PCDH18: variants seen among roughly 807,000 people sequenced by gnomAD.
PCDH18 encodes the protein protocadherin-18.
PCDH18 carries 38 observed loss-of-function variants against 71.5 expected under a neutral mutation model. The observed-to-expected ratio is 0.53, with a 90% confidence interval of 0.41 to 0.70. PCDH18 has a LOEUF of 0.70. Ranked by LOEUF, PCDH18 falls within the 30% of genes least tolerant of loss-of-function variation. The pLI, the probability that PCDH18 is intolerant of heterozygous loss-of-function variation, is 0.00. For missense variants in PCDH18, 1,334 were observed against 1,384.6 expected (o/e 0.96, Z 0.58); for synonymous variants, 565 against 505.4 (o/e 1.12, Z -1.58).
chr4:137,530,433 G>C lies in PCDH18; in HGVS notation c.1656C>G (p.Ser552Arg). The C allele has an allele frequency of 1.2e-6, 2 of 1,614,048 alleles. No individual in the cohort carries two copies. Among genetic ancestry groups the C allele is most frequent in the Non-Finnish European group, 1.7e-6 (2 of 1,179,954 alleles). ...TGGTATTGCTTACCAGTTGCTTCGGGCTTCCTCCATCTCTTGCTTCTACCA... is the reference window on the plus strand; with the variant it reads ...TGGTATTGCTTACCAGTTGCTTCGGCCTTCCTCCATCTCTTGCTTCTACCA... ...TFVVEARDGG[S>R]PKQLVSNTTV... The change falls in exon 1 of 4, where the codon AGC (serine) becomes AGG (arginine). Residue 552 changes from serine to arginine, a missense_variant. This residue lies in a region of PCDH18 where 1,011 missense variants were observed against 1,048.0 expected (regional missense o/e 0.96). Transcript: ENST00000344876.
Position 137,531,675 on chromosome 4 carries a change from T to G in PCDH18, c.414A>C (p.Ser138=). The change falls in exon 1 of 4, where the codon TCA becomes TCC. Residue 138 remains serine (S), a synonymous_variant. Transcript: ENST00000344876. ...ATATCTCAATAGGTATGAGAGATCTTGAAAACTGGGGAGAATTGTCATTAA... is the reference window on the plus strand; with the variant it reads ...ATATCTCAATAGGTATGAGAGATCTGGAAAACTGGGGAGAATTGTCATTAA... ...LDINDNSPQF[S]RSLIPIEISE... The G allele has an allele frequency of 6.2e-7, 1 of 1,614,164 alleles. No individual in the cohort carries two copies. Among genetic ancestry groups the G allele is most frequent in the Non-Finnish European group, 8.5e-7 (1 of 1,180,004 alleles).
Position 137,520,908 on chromosome 4 carries a change from C to A in PCDH18, c.*121G>T. ...AATACAGTATTTAATATTCAATATA[C>A]ACAGACACATTTATGATAAATGCAA... is the stretch of plus-strand genomic sequence containing the variant. On this transcript the variant is annotated 3_prime_UTR_variant, in exon 4 of 4. Coordinates refer to ENST00000344876, the MANE Select transcript of PCDH18 (RefSeq NM_019035.5). 1 of 649,540 alleles carries A rather than the reference C, an allele frequency of 1.5e-6. No homozygotes were observed. The highest frequency in any genetic ancestry group is 2.7e-6 in the Non-Finnish European group (1 of 372,326). 40.2% of individuals were successfully genotyped at this position (649,540 alleles called of 1,614,324 possible).
chr4:137,521,221 T>C lies in PCDH18; in HGVS notation c.3216A>G (p.Pro1072=), dbSNP rs146591833. 1.0e-3 allele frequency: 1,648 copies of C among 1,613,926 alleles called. 7 individuals carry two copies. In the Middle Eastern group the frequency reaches 0.022, roughly 22 times the overall value. Residue 1072 remains proline (P), a synonymous_variant, in exon 4 of 4, where the codon CCA becomes CCG. Coordinates refer to ENST00000344876, the MANE Select transcript of PCDH18 (RefSeq NM_019035.5). ...GCTGCACACTGGAGTGAGTTCCAAG[T>C]GGCGGCCCACAGTTGGTGGTGGGAT... is the stretch of plus-strand genomic sequence containing the variant. ...FQNPTTNCGP[P]LGTHSSVQPS...
chr4:137,527,697 C>T (rs1731516762), intron 3 of PCDH18, among the ~76,000 whole-genome samples: 1 of 152,152 alleles, frequency 6.6e-6, no homozygotes, highest in African/African-American at 2.4e-5. Flanking sequence ...GCCAAAAGAA[C>T]ACACGTATTC....
At position 137,531,479 on chromosome 4, in the gene PCDH18, A is replaced by T. The variant is rs373320791; in HGVS notation, c.610T>A (p.Leu204Ile). 6.2e-6 allele frequency: 10 copies of T among 1,613,784 alleles called. No individual in the cohort carries two copies. The highest frequency in any genetic ancestry group is 7.6e-6 in the Non-Finnish European group (9 of 1,179,966). The change falls in exon 1 of 4, where the codon TTA becomes ATA. Residue 204 changes from leucine to isoleucine, a missense_variant. By Grantham distance (5) the Leu-to-Ile change is conservative. This residue lies in a region of PCDH18 where 1,011 missense variants were observed against 1,048.0 expected (regional missense o/e 0.96). Coordinates refer to ENST00000344876, the MANE Select transcript of PCDH18 (RefSeq NM_019035.5). ...KYAELIVVRE[L>I]DRELKSSYEL... ...TAGCTTGACTTCAGCTCCCGATCTAACTCTCTGACCACTATGAGTTCTGCA... is the reference window on the plus strand; with the variant it reads ...TAGCTTGACTTCAGCTCCCGATCTATCTCTCTGACCACTATGAGTTCTGCA...
chr4:137,520,194 T>G lies in PCDH18; in HGVS notation c.*835A>C, dbSNP rs1448521985. 6.6e-6 allele frequency: 1 copy of G among 152,648 alleles called. No individual in the cohort carries two copies. The highest frequency in any genetic ancestry group is 1.5e-5 in the Non-Finnish European group (1 of 68,040). 9.5% of individuals were successfully genotyped at this position (152,648 alleles called of 1,614,324 possible). ...TATGCCATTAGAACACATACTGTTA[T>G]CCATTTAAAGGACAGATTCCATTTC... On this transcript the variant is annotated 3_prime_UTR_variant, in exon 4 of 4. Transcript: ENST00000344876.
rs1731604375 is a variant in PCDH18, at chr4:137,529,875, C to G, written c.2214G>C (p.Val738=). 1 of 1,613,640 alleles carries G rather than the reference C, an allele frequency of 6.2e-7. No individual in the cohort carries two copies. The highest frequency in any genetic ancestry group is 1.1e-5 in the South Asian group (1 of 91,060). Residue 738 remains valine, a synonymous_variant, in exon 1 of 4, where the codon GTG becomes GTC. Transcript: ENST00000344876. The stretch of plus-strand genomic sequence containing the variant: ...GGTGGTGCTGGTAAGTTGATTCGGC[C>G]ACCCTGCAGTTATAGGATCTAGTGT... ...KKDTRSYNCR[V]AESTYQHHPK...
Position 137,531,481 on chromosome 4 carries a change from T to G in PCDH18, c.608A>C (p.Glu203Ala), listed in dbSNP as rs756319654. Residue 203 changes from glutamate (E) to alanine (A), a missense_variant, in exon 1 of 4, where the codon GAG (glutamate) becomes GCG (alanine). Coordinates refer to ENST00000344876, the MANE Select transcript of PCDH18 (RefSeq NM_019035.5). The stretch of plus-strand genomic sequence containing the variant: ...GCTTGACTTCAGCTCCCGATCTAAC[T>G]CTCTGACCACTATGAGTTCTGCATA... Reference protein sequence around the residue: ...AKYAELIVVRELDRELKSSYE... With the variant: ...AKYAELIVVRALDRELKSSYE... 2 of 1,614,014 alleles carry G rather than the reference T, an allele frequency of 1.2e-6. No individual in the cohort carries two copies. The highest frequency in any genetic ancestry group is 1.7e-6 in the Non-Finnish European group (2 of 1,179,966).
rs1037931052 is a variant in PCDH18 at position 137,519,028 on chromosome 4, G to A, written c.*2001C>T. 1 of 152,154 alleles carries A rather than the reference G, an allele frequency of 6.6e-6. No individual in the cohort carries two copies. Among genetic ancestry groups the A allele is most frequent in the African/African-American group, 2.4e-5 (1 of 41,438 alleles). The allele number at this position is 152,154 out of a possible 1,614,324, so 9.4% of individuals were successfully genotyped here. A position where few individuals can be genotyped will look rare whatever the true frequency, so the allele number is the denominator to read the frequency against. ...GGTGCTTTAAATTAAGAACAGTGAG[G>A]ATATAAAAGTCTTTTTCTTAATGGT... On this transcript the variant is annotated 3_prime_UTR_variant, in exon 4 of 4. Coordinates refer to ENST00000344876, the MANE Select transcript of PCDH18 (RefSeq NM_019035.5).
At chr4:137,528,019 C>A (rs1476320995) in intron 3 of PCDH18, among the ~76,000 whole-genome samples, 1 of 152,128 alleles carries the variant, frequency 6.6e-6, no homozygotes, top group Non-Finnish European at 1.5e-5. Context: ...GTATTTTAGT[C>A]TCTGATTTTG....
chr4:137,525,225 G>T (rs916366271), intron 3 of PCDH18, among the ~76,000 whole-genome samples: 1 of 152,116 alleles, frequency 6.6e-6, no homozygotes, highest in African/African-American at 2.4e-5. Flanking sequence ...ACAAAAAAAT[G>T]CATACCAATT....
intron 3 of PCDH18, among the ~76,000 whole-genome samples, chr4:137,524,450 G>A (rs563036200): frequency 3.9e-5 from 6 of 152,162 alleles, no homozygotes; most frequent in African/African-American, 4.8e-5. Context: ...GTAAACACAG[G>A]TAAAGTGTCA....
At position 137,531,867 on chromosome 4, in the gene PCDH18, A is replaced by G. The variant is rs1731720323; in HGVS notation, c.222T>C (p.Ser74=). 6.2e-7 allele frequency: 1 copy of G among 1,613,564 alleles called. No individual in the cohort carries two copies. The change falls in exon 1 of 4, where the codon TCT becomes TCC. Residue 74 remains serine (S), a synonymous_variant. Transcript: ENST00000344876. ...TATCCTCGTTTACTACAAGTAGAGGAGAATTTCCCCTCTGCATGGCTCGAA... is the reference window on the plus strand; with the variant it reads ...TATCCTCGTTTACTACAAGTAGAGGGGAATTTCCCCTCTGCATGGCTCGAA... ...VRFRAMQRGN[S]PLLVVNEDNG...
chr4:137,530,154 A>T lies in PCDH18; in HGVS notation c.1935T>A (p.Asp645Glu). ...GCTCCCATTCTGTGTAGGGAACAGA[A>T]TCCATGCTAACGTTGGTATGGATGT... ...SCDIHTNVSM[D>E]SVPYTEWELS... The change falls in exon 1 of 4, where the codon GAT becomes GAA. Residue 645 changes from aspartate (D) to glutamate (E), a missense_variant. Coordinates refer to ENST00000344876, the MANE Select transcript of PCDH18 (RefSeq NM_019035.5). The T allele has an allele frequency of 6.2e-7, 1 of 1,613,380 alleles. No homozygotes were observed. Among genetic ancestry groups the T allele is most frequent in the Non-Finnish European group, 8.5e-7 (1 of 1,179,550 alleles).
In PCDH18 at chr4:137,519,214, T is replaced by C. The variant is rs1248333813; in HGVS notation, c.*1815A>G. 6.6e-6 allele frequency: 1 copy of C among 152,154 alleles called. No homozygotes were observed. Among genetic ancestry groups the C allele is most frequent in the Non-Finnish European group, 1.5e-5 (1 of 68,012 alleles). The allele number at this position is 152,154 out of a possible 1,614,324, so 9.4% of individuals were successfully genotyped here. The stretch of plus-strand genomic sequence containing the variant: ...CTGTTGAAAGAGGTAATATATTCTA[T>C]TTAATGTGGTACTCATTTGAGAATT... On this transcript the variant is annotated 3_prime_UTR_variant, in exon 4 of 4. Transcript: ENST00000344876.
chr4:137,520,842 T>C lies in PCDH18; in HGVS notation c.*187A>G. The C allele has an allele frequency of 2.1e-6, 1 of 483,520 alleles. No individual in the cohort carries two copies. The highest frequency in any genetic ancestry group is 3.6e-6 in the Non-Finnish European group (1 of 275,808). The allele number at this position is 483,520 out of a possible 1,614,324, so 30.0% of individuals were successfully genotyped here. On this transcript the variant is annotated 3_prime_UTR_variant, in exon 4 of 4. Transcript: ENST00000344876. ...ATAAGGTACAAATGTATTTTTAAAA[T>C]ACAGATTAAAATAATCACACTTGCA...
Position 137,531,136 on chromosome 4 carries a change from T to G in PCDH18, c.953A>C (p.Lys318Thr). Residue 318 changes from lysine to threonine, a missense_variant, in exon 1 of 4, where the codon AAA becomes ACA. This residue lies in a region of PCDH18 where 1,011 missense variants were observed against 1,048.0 expected (regional missense o/e 0.96). Transcript: ENST00000344876. ...AGCCTGAACATCAATCTCATAGGAT[T>G]TGGTGATTTCATAATCCACTTGCTT... Reference protein sequence around the residue: ...LFKQVDYEITKSYEIDVQAQD... With the variant: ...LFKQVDYEITTSYEIDVQAQD... 6.2e-7 allele frequency: 1 copy of G among 1,613,904 alleles called. No individual in the cohort carries two copies. The highest frequency in any genetic ancestry group is 8.5e-7 in the Non-Finnish European group (1 of 1,179,822).
In PCDH18 at chr4:137,519,486, T is replaced by C. The variant is rs1415417579; in HGVS notation, c.*1543A>G. 3.3e-5 allele frequency: 5 copies of C among 152,190 alleles called. No individual in the cohort carries two copies. Among genetic ancestry groups the C allele is most frequent in the Non-Finnish European group, 5.9e-5 (4 of 68,040 alleles). The allele number at this position is 152,190 out of a possible 1,614,324, so 9.4% of individuals were successfully genotyped here. On this transcript the variant is annotated 3_prime_UTR_variant, in exon 4 of 4. Transcript: ENST00000344876. ...TATTCCCCAAATGCATTTAACTTAT[T>C]TAGCTGGAATATGGCTTACTACTTT...
Position 137,528,630 on chromosome 4 carries a change from T to G in PCDH18, c.2588A>C (p.Gln863Pro). ...TTTCAAGCTAAATTTGTCCATGTCT[T>G]GAAGGGCATATCTGGAAAGATAAAT... is the stretch of plus-strand genomic sequence containing the variant. ...KYSRSYRYAL[Q>P]DMDKFSLKDS... The change falls in exon 3 of 4, where the codon CAA (glutamine) becomes CCA (proline). Residue 863 changes from glutamine (Q) to proline (P), a missense_variant. This residue lies in a region of PCDH18 where 1,011 missense variants were observed against 1,048.0 expected (regional missense o/e 0.96). Coordinates refer to ENST00000344876, the MANE Select transcript of PCDH18 (RefSeq NM_019035.5). The G allele has an allele frequency of 6.2e-7, 1 of 1,613,990 alleles. No homozygotes were observed. The highest frequency in any genetic ancestry group is 8.5e-7 in the Non-Finnish European group (1 of 1,179,920).
Sources: allele counts gnomAD v4.1 joint callset (sites outside exome capture counted in the v4.1 genomes callset), GRCh38; gene constraint gnomAD v4.1.1; regional missense constraint gnomAD v4.1.1; transcripts MANE v1.5; gene names NCBI Gene and HGNC (gene_info 2026-07-23, HGNC 2026-07-21).